RELN: variants seen among roughly 807,000 people sequenced by gnomAD.
RELN encodes the protein reelin.
A neutral mutation model predicts 427.6 loss-of-function variants in RELN; 108 were observed. The ratio of observed to expected loss-of-function variants is 0.25; its 90% CI spans 0.22 to 0.30. The LOEUF (loss-of-function observed/expected upper bound fraction) is 0.30, where lower values mean the gene tolerates loss of function less well. Among genes scored for constraint, RELN ranks in the 10% least tolerant of loss-of-function variants. The probability of loss-of-function intolerance (pLI) is 1.00; values close to 1 mark genes in which losing one functional copy is unlikely to be tolerated. For synonymous variants in RELN, 1,524 were observed against 1,513.4 expected, an observed-to-expected ratio of 1.01 and a Z score of -0.16; for missense variants, 3,715 against 4,302.8, an observed-to-expected ratio of 0.86 and a Z score of 3.82.
intron 10 of RELN, among the ~76,000 whole-genome samples, chr7:103,697,559 CA>C (rs1277898037): frequency 6.6e-6 from 1 of 152,086 alleles, no homozygotes; most frequent in East Asian, 1.9e-4. Context: ...AACTGACATC[CA>C]CACAATGGGA....
intron 13 of RELN, among the ~76,000 whole-genome samples, chr7:103,653,560 T>C (rs1832966489): frequency 6.6e-6 from 1 of 152,082 alleles, no homozygotes; most frequent in South Asian, 2.1e-4. Context: ...AAAATAATTT[T>C]ACACTTTATG....
At chr7:103,967,587 T>C (rs553076935) in intron 1 of RELN, among the ~76,000 whole-genome samples, 2 of 152,276 alleles carry the variant, frequency 1.3e-5, no homozygotes, top group East Asian at 3.9e-4. Context: ...AGTGGCTCCC[T>C]GCTGCCCACA....
chr7:103,570,919 C>T (rs1409154301), intron 31 of RELN, among the ~76,000 whole-genome samples: 1 of 152,030 alleles, frequency 6.6e-6, no homozygotes, highest in Non-Finnish European at 1.5e-5. Context: ...GATATTGTAT[C>T]AATAAAAGCA....
rs1797184644 is a variant in RELN at position 103,989,585 on chromosome 7, G to A, written c.-229C>T. 2 of 393,598 alleles carry A rather than the reference G, an allele frequency of 5.1e-6. No individual in the cohort carries two copies. Among genetic ancestry groups the A allele is most frequent in the Non-Finnish European group, 8.7e-6 (2 of 230,138 alleles). The allele number at this position is 393,598 out of a possible 1,614,324, so 24.4% of individuals were successfully genotyped here. ...CGGGAGCGCGGGACCGGGGCTGCGG[G>A]CGCCGAGAGCGCGTCGTCTGCCGCC... On this transcript the variant is annotated 5_prime_UTR_variant, in exon 1 of 65. Transcript: ENST00000428762. The surrounding 1 kb of genome is among the most constrained non-coding windows in gnomAD (Gnocchi z 4.9).
chr7:103,611,536 A>ATTTTT (rs10673432), intron 21 of RELN, 75 bp downstream of exon 21: 201 of 946,112 alleles, frequency 2.1e-4, no homozygotes, highest in African/African-American at 1.9e-3. Flanking sequence ...TAGAACTGTA[A>ATTTTT]TTTTTTTTTT....
intron 8 of RELN, among the ~76,000 whole-genome samples, chr7:103,713,726 C>CT (rs1789863059): frequency 6.7e-6 from 1 of 149,968 alleles, no homozygotes; most frequent in African/African-American, 2.5e-5. Flanking sequence ...GGAGAAAATA[C>CT]TCTTACTCTA....
chr7:103,800,055 C>G (rs58420913), intron 3 of RELN, among the ~76,000 whole-genome samples: 37,547 of 152,044 alleles, frequency 0.25, 4,697 homozygotes, highest in East Asian at 0.35. Context: ...AAACTGGAAG[C>G]GTTCCCTTTG....
At chr7:103,659,536 G>A (rs1025036627) in intron 12 of RELN, among the ~76,000 whole-genome samples, 2 of 152,016 alleles carry the variant, frequency 1.3e-5, no homozygotes, top group African/African-American at 2.4e-5. Context: ...GGCTTAGCTT[G>A]GAATTCTCTT....
intron 11 of RELN, among the ~76,000 whole-genome samples, chr7:103,674,767 C>T (rs1833476460): frequency 6.6e-6 from 1 of 152,130 alleles, no homozygotes; most frequent in Admixed American, 6.5e-5. Flanking sequence ...GTCATATAAA[C>T]AGAACAAAAG....
At chr7:103,678,298 T>C (rs1833581810) in intron 11 of RELN, among the ~76,000 whole-genome samples, 1 of 152,188 alleles carries the variant, frequency 6.6e-6, no homozygotes, top group South Asian at 2.1e-4. Context: ...AAGTGAGATG[T>C]GGTAGCTGCT....
At chr7:103,588,508 T>C (rs1412544413) in intron 28 of RELN, among the ~76,000 whole-genome samples, 2 of 152,136 alleles carry the variant, frequency 1.3e-5, no homozygotes, top group African/African-American at 4.8e-5. Context: ...TTAACAAAAG[T>C]ATACTGTACT....
At chr7:103,745,022 T>C (rs1343911955) in intron 6 of RELN, among the ~76,000 whole-genome samples, 1 of 152,226 alleles carries the variant, frequency 6.6e-6, no homozygotes, top group East Asian at 1.9e-4. Flanking sequence ...CTCAGTAAAA[T>C]ACTGGGAAAC....
At chr7:103,826,768 A>C (rs1325363028) in intron 3 of RELN, among the ~76,000 whole-genome samples, 1 of 152,146 alleles carries the variant, frequency 6.6e-6, no homozygotes, top group African/African-American at 2.4e-5. Flanking sequence ...TAATTATAAC[A>C]GATAAATATT....
intron 2 of RELN, among the ~76,000 whole-genome samples, chr7:103,905,808 T>G (rs55917011): frequency 0.13 from 20,434 of 151,926 alleles, 1,742 homozygotes; most frequent in East Asian, 0.27. Flanking sequence ...AGGTGACTGG[T>G]GGAGGTCCGA....
intron 1 of RELN, among the ~76,000 whole-genome samples, chr7:103,956,055 A>G (rs1796427169): frequency 1.3e-5 from 2 of 152,314 alleles, no homozygotes; most frequent in South Asian, 2.1e-4. Context: ...CACTTTTTAG[A>G]AAATTTCTGT....
Position 103,824,046 on chromosome 7 carries a change from T to C in RELN, c.473+9491A>G, listed in dbSNP as rs1018529429. 2.0e-5 allele frequency among the ~76,000 whole-genome samples: 3 copies of C among 152,090 alleles called. No individual in the cohort carries two copies. The highest frequency in any genetic ancestry group is 4.4e-5 in the Non-Finnish European group (3 of 68,000). ...GATTAAATTTATAGGTAATCTGTCT[T>C]TTCTATTTTGTCACCTTTGATGTTT... On this transcript the variant is annotated intron_variant, in intron 3 of 64. Coordinates refer to ENST00000428762, the MANE Select transcript of RELN (RefSeq NM_005045.4). This position sits in a 1 kb window ranked among gnomAD's most constrained non-coding sequence, Gnocchi z 4.4.
chr7:103,964,055 A>G (rs1054604110), intron 1 of RELN, among the ~76,000 whole-genome samples: 6 of 152,106 alleles, frequency 3.9e-5, no homozygotes, highest in Admixed American at 3.3e-4. Flanking sequence ...GCTACATGAG[A>G]GGCTAAGGCA....
At chr7:103,508,516 A>T (rs1314993290) in intron 51 of RELN, among the ~76,000 whole-genome samples, 2 of 152,246 alleles carry the variant, frequency 1.3e-5, no homozygotes, top group East Asian at 3.8e-4. Flanking sequence ...AATAAGAGCT[A>T]TTTATGACAA....
rs540737160 is a variant in RELN, at chr7:103,905,867, C to T, written c.337+11208G>A. On this transcript the variant is annotated intron_variant, in intron 2 of 64. Coordinates refer to ENST00000428762, the MANE Select transcript of RELN (RefSeq NM_005045.4). ...GGAGTGGAGAATTCCACGGAGGTAG[C>T]GGGAAGGGAGGAGCAGAGGGGAAGG... is the stretch of plus-strand genomic sequence containing the variant. 2.0e-5 allele frequency among the ~76,000 whole-genome samples: 3 copies of T among 151,860 alleles called. No individual in the cohort carries two copies. In the East Asian group the frequency reaches 5.8e-4, roughly 29 times the overall value.
Sources: allele counts gnomAD v4.1 joint callset (sites outside exome capture counted in the v4.1 genomes callset), GRCh38; gene constraint gnomAD v4.1.1; non-coding constraint Gnocchi (gnomAD v3.1); transcripts MANE v1.5; gene names NCBI Gene and HGNC (gene_info 2026-07-23, HGNC 2026-07-21).